TOGARAM2: variants seen among roughly 807,000 people sequenced by gnomAD.
TOGARAM2 encodes the protein TOG array regulator of axonemal microtubules protein 2.
TOGARAM2 carries 85 observed loss-of-function variants against 93.3 expected under a neutral mutation model. The ratio of observed to expected loss-of-function variants is 0.91; its 90% CI spans 0.76 to 1.09. TOGARAM2 has a LOEUF of 1.09. Ranked by LOEUF, TOGARAM2 falls within the 50% of genes least tolerant of loss-of-function variation. TOGARAM2 has a pLI of 0.00. For missense variants in TOGARAM2, 1,277 were observed against 1,334.5 expected (o/e 0.96, Z 0.67); for synonymous variants, 593 against 552.8 (o/e 1.07, Z -1.02).
rs769493960 is a variant in TOGARAM2 at position 29,035,518 on chromosome 2, C to CG, written c.2284dup (p.Glu762GlyfsTer48). On this transcript the variant is annotated frameshift_variant, in exon 17 of 20. Transcript: ENST00000379558. LOFTEE classifies it high-confidence loss of function. Reference sequence around the variant, plus strand: ...GGCTGCGCTCCACACTGCAGGGCCGCGGGGAGATGGTGGAGCAGCTACGGG... The same window carrying CG: ...GGCTGCGCTCCACACTGCAGGGCCGCGGGGGAGATGGTGGAGCAGCTACGGG... 9 of 1,557,000 alleles carry CG rather than the reference C, an allele frequency of 5.8e-6. No individual in the cohort carries two copies. Among genetic ancestry groups the CG allele is most frequent in the Non-Finnish European group, 7.8e-6 (9 of 1,151,204 alleles).
chr2:28,982,639 C>T (rs1378956221), intron 1 of TOGARAM2, among the ~76,000 whole-genome samples: 1 of 152,168 alleles, frequency 6.6e-6, no homozygotes, highest in African/African-American at 2.4e-5. Flanking sequence ...AGATGTCAAC[C>T]TGAGCTCTGG....
intron 18 of TOGARAM2, among the ~76,000 whole-genome samples, chr2:29,043,464 A>G (rs1338662146): frequency 6.6e-6 from 1 of 152,190 alleles, no homozygotes; most frequent in Non-Finnish European, 1.5e-5. Context: ...GTGAGACTGG[A>G]AAGACTTCCT....
At chr2:29,035,328 G>A in intron 16 of TOGARAM2, 136 bp from the exon 17 acceptor site, 1 of 714,606 alleles carries the variant, frequency 1.4e-6, no homozygotes, top group African/African-American at 1.8e-5. Flanking sequence ...TGGAGGGGAA[G>A]CTGGGGGTGG....
At chr2:29,019,129 T>C in intron 10 of TOGARAM2, among the ~76,000 whole-genome samples, 1 of 151,180 alleles carries the variant, frequency 6.6e-6, no homozygotes, top group East Asian at 1.9e-4. Flanking sequence ...GGTAATTGAA[T>C]AATATGATTG....
Position 29,052,095 on chromosome 2 carries a change from G to A in TOGARAM2, c.*2G>A, listed in dbSNP as rs375895365. On this transcript the variant is annotated 3_prime_UTR_variant, in exon 20 of 20. Transcript: ENST00000379558. ...TCATACCCTTTTCAGCTGGATTAAA[G>A]ATGGATCTGAAATGGGCAATTATTA... 1.2e-5 allele frequency: 18 copies of A among 1,556,938 alleles called. No homozygotes were observed. The highest frequency in any genetic ancestry group is 9.6e-6 in the Non-Finnish European group (11 of 1,149,444).
In TOGARAM2 at chr2:29,013,761, G is replaced by A. The variant is rs548698671; in HGVS notation, c.878-634G>A. Among the ~76,000 whole-genome samples, 54 of 152,302 alleles carry A rather than the reference G, an allele frequency of 3.5e-4. No homozygotes were observed. The Middle Eastern group carries it at 0.014, about 38-fold the overall frequency. On this transcript the variant is annotated intron_variant, in intron 7 of 19. Coordinates refer to ENST00000379558, the MANE Select transcript of TOGARAM2 (RefSeq NM_199280.4). ...TGGTGCCCACCCACACTGAGGATGGGTCCTCCTCTCCCAGTCCACTGACTC... is the reference window on the plus strand; with the variant it reads ...TGGTGCCCACCCACACTGAGGATGGATCCTCCTCTCCCAGTCCACTGACTC...
At chr2:28,980,539 G>A (rs936564887), upstream of TOGARAM2, among the ~76,000 whole-genome samples, 2 of 152,220 alleles carry the variant, frequency 1.3e-5, no homozygotes, top group African/African-American at 2.4e-5. Flanking sequence ...TGTGCCCCCT[G>A]GATGGTGAGG....
intron 13 of TOGARAM2, among the ~76,000 whole-genome samples, chr2:29,025,827 C>T (rs1028689423): frequency 5.3e-5 from 8 of 152,326 alleles, no homozygotes; most frequent in African/African-American, 1.4e-4. Flanking sequence ...CCCTCTTCTC[C>T]CTCCTGTCTC....
chr2:29,020,730 A>T (rs1365402876), intron 10 of TOGARAM2, among the ~76,000 whole-genome samples: 2 of 152,076 alleles, frequency 1.3e-5, no homozygotes, highest in African/African-American at 4.8e-5. Context: ...TCTTTTTGAG[A>T]GCGTTGCAGA....
Position 29,051,847 on chromosome 2 carries a change from G to T in TOGARAM2, c.2814G>T (p.Arg938Ser), listed in dbSNP as rs778895470. ...ILWHFLNTATRNGTLPGPSGN... is the reference protein window; with the variant it reads ...ILWHFLNTATSNGTLPGPSGN... ...GGCACTTCCTGAACACCGCCACCAG[G>T]AATGGCACCCTGCCTGGACCCAGCG... The change falls in exon 20 of 20, where the codon AGG (arginine) becomes AGT (serine). Residue 938 changes from arginine (R) to serine (S), a missense_variant. Physicochemically the swap from Arg to Ser is moderately radical, Grantham distance 110. Transcript: ENST00000379558. 1 of 1,568,114 alleles carries T rather than the reference G, an allele frequency of 6.4e-7. No individual in the cohort carries two copies. Among genetic ancestry groups the T allele is most frequent in the East Asian group, 2.4e-5 (1 of 41,776 alleles).
At chr2:28,987,447 G>A (rs1672518674) in intron 1 of TOGARAM2, among the ~76,000 whole-genome samples, 1 of 151,976 alleles carries the variant, frequency 6.6e-6, no homozygotes, top group African/African-American at 2.4e-5. Flanking sequence ...CCACCACCAC[G>A]CCCAGCTAAT....
chr2:28,991,254 C>A (rs1672719449), intron 1 of TOGARAM2, among the ~76,000 whole-genome samples: 2 of 152,084 alleles, frequency 1.3e-5, no homozygotes, highest in South Asian at 2.1e-4. Context: ...AGGATTCCAG[C>A]CCCACTGTGT....
At chr2:28,986,348 T>C (rs1672468419) in intron 1 of TOGARAM2, among the ~76,000 whole-genome samples, 1 of 152,178 alleles carries the variant, frequency 6.6e-6, no homozygotes, top group South Asian at 2.1e-4. Context: ...TTTTAAATGC[T>C]GCGGCCCATC....
intron 2 of TOGARAM2, 56 bp downstream of exon 2, chr2:28,994,918 C>T: frequency 4.5e-6 from 7 of 1,544,360 alleles, no homozygotes; most frequent in Non-Finnish European, 6.1e-6. Context: ...GGGGACCTGC[C>T]TCGGACACTC....
chr2:28,972,580 T>C lies in TOGARAM2; in HGVS notation c.-147+15883T>C, dbSNP rs947048780. ...CCCTTACCATAGAATATTTTTTTCT[T>C]CTTTGTTCTGTATTTCTTTCCACAG... On this transcript the variant is annotated intron_variant, in intron 1 of 6. Transcript: ENST00000401723. 3 of 152,212 alleles carry C rather than the reference T, an allele frequency of 2.0e-5. No individual in the cohort carries two copies. In the East Asian group the frequency reaches 5.8e-4, roughly 29 times the overall value. 9.4% of individuals were successfully genotyped at this position (152,212 alleles called of 1,614,324 possible).
chr2:29,029,712 C>T (rs946538023), intron 14 of TOGARAM2, among the ~76,000 whole-genome samples: 4 of 147,674 alleles, frequency 2.7e-5, no homozygotes, highest in African/African-American at 9.9e-5. Flanking sequence ...ACCGAGATCG[C>T]GCCACTGCAC....
In TOGARAM2 at chr2:28,969,746, T is replaced by C. The variant is rs76826854; in HGVS notation, c.-147+13049T>C. On this transcript the variant is annotated intron_variant, in intron 1 of 6. Transcript: ENST00000401723. ...ACAATGTAACTGCTCTGACACACAA[T>C]AGATGCCTAATGAATGTTAATTTTC... is the stretch of plus-strand genomic sequence containing the variant. Among the ~76,000 whole-genome samples the C allele has an allele frequency of 7.7e-4, 117 of 152,048 alleles. 3 individuals are homozygous for C. In the East Asian group the frequency reaches 0.021, roughly 27 times the overall value.
At position 29,022,260 on chromosome 2, in the gene TOGARAM2, C is replaced by G; in HGVS notation, c.1463C>G (p.Pro488Arg). 6.2e-7 allele frequency: 1 copy of G among 1,613,970 alleles called. No individual in the cohort carries two copies. The highest frequency in any genetic ancestry group is 8.5e-7 in the Non-Finnish European group (1 of 1,179,870). Residue 488 changes from proline (P) to arginine (R), a missense_variant, in exon 11 of 20, where the codon CCG (proline) becomes CGG (arginine). Coordinates refer to ENST00000379558, the MANE Select transcript of TOGARAM2 (RefSeq NM_199280.4). ...ACKELRPFSN[P>R]ELGLRDALQC... ...AAGGAGTTGAGGCCTTTCTCGAACC[C>G]GGAGCTGGGGCTGAGGGATGCACTC...
chr2:28,966,791 A>G (rs1239570820), intron 1 of TOGARAM2, among the ~76,000 whole-genome samples: 2 of 152,192 alleles, frequency 1.3e-5, no homozygotes, highest in Non-Finnish European at 1.5e-5. Flanking sequence ...AGACCATATC[A>G]TCTGCACCAC....
Sources: gnomAD v4.1 joint callset for allele counts (sites outside exome capture counted in the v4.1 genomes callset) on GRCh38, gnomAD v4.1.1 for gene constraint, MANE v1.5 for transcripts, NCBI Gene and HGNC (gene_info 2026-07-23, HGNC 2026-07-21) for gene names.